Variants in SMAP2 observed in about 807,000 individuals in gnomAD.
SMAP2 encodes small ArfGAP2.
In SMAP2, 25 loss-of-function variants were observed where a neutral mutation model predicts 56.4. That is an observed-to-expected ratio of 0.44 (90% CI 0.32 to 0.62). The LOEUF (loss-of-function observed/expected upper bound fraction) is 0.62, where lower values mean the gene tolerates loss of function less well. Ranked by LOEUF, SMAP2 falls within the 20% of genes least tolerant of loss-of-function variation. The pLI, the probability that SMAP2 is intolerant of heterozygous loss-of-function variation, is 0.04. For synonymous variants in SMAP2, 157 were observed against 181.7 expected, an observed-to-expected ratio of 0.86 and a Z score of 1.09; for missense variants, 388 against 545.6, an observed-to-expected ratio of 0.71 and a Z score of 2.88.
chr1:40,391,105 C>T (rs1018212048), intron 1 of SMAP2, among the ~76,000 whole-genome samples: 1 of 152,166 alleles, frequency 6.6e-6, no homozygotes, highest in Non-Finnish European at 1.5e-5. Flanking sequence ...CTTCCCTACC[C>T]CTCTGCCCGT....
chr1:40,374,657 G>C lies in SMAP2; in HGVS notation c.103+434G>C, dbSNP rs1325009489. 2 of 1,548,814 alleles carry C rather than the reference G, an allele frequency of 1.3e-6. No homozygotes were observed. The highest frequency in any genetic ancestry group is 4.9e-5 in the East Asian group (2 of 40,912). On this transcript the variant is annotated intron_variant, in intron 1 of 9. Coordinates refer to ENST00000372718, the MANE Select transcript of SMAP2 (RefSeq NM_022733.3). The surrounding 1 kb of genome is among the most constrained non-coding windows in gnomAD (Gnocchi z 5.9). Reference sequence around the variant, plus strand: ...AGAGAGAGAGAATGACGAGGAGGAGGAGGAGGGAAGTGAGATGGCGGAAAG... The same window carrying C: ...AGAGAGAGAGAATGACGAGGAGGAGCAGGAGGGAAGTGAGATGGCGGAAAG...
At chr1:40,421,775 C>A (rs545339764) in intron 9 of SMAP2, among the ~76,000 whole-genome samples, 10 of 152,342 alleles carry the variant, frequency 6.6e-5, no homozygotes, top group African/African-American at 2.4e-4. Flanking sequence ...TCTCCGTCAG[C>A]ATTGCACTCC....
intron 1 of SMAP2, among the ~76,000 whole-genome samples, chr1:40,355,001 C>T (rs949094783): frequency 6.6e-6 from 1 of 151,644 alleles, no homozygotes; most frequent in Admixed American, 6.6e-5. Context: ...TCAGGCTGGT[C>T]TCAAACTCCT....
intron 1 of SMAP2, among the ~76,000 whole-genome samples, chr1:40,381,252 C>T (rs1265516782): frequency 2.0e-5 from 3 of 152,088 alleles, no homozygotes; most frequent in Non-Finnish European, 2.9e-5. Flanking sequence ...TGTACCGGGA[C>T]ATATAGATTA....
chr1:40,406,882 A>C lies in SMAP2; in HGVS notation c.237+13A>C. 6.2e-7 allele frequency: 1 copy of C among 1,604,562 alleles called. No individual in the cohort carries two copies. Among genetic ancestry groups the C allele is most frequent in the Non-Finnish European group, 8.5e-7 (1 of 1,173,458 alleles). On this transcript the variant is annotated intron_variant, in intron 2 of 9. Coordinates refer to ENST00000372718, the MANE Select transcript of SMAP2 (RefSeq NM_022733.3). ...AGAACAGATTCAGGTACTTAGCCCA[A>C]GAGTGAGTCAGCTGCTTCCATATAT...
At chr1:40,349,380 C>G (rs866906295) in intron 1 of SMAP2, among the ~76,000 whole-genome samples, 1 of 152,164 alleles carries the variant, frequency 6.6e-6, no homozygotes, top group Non-Finnish European at 1.5e-5. Flanking sequence ...TTTTTATCCT[C>G]ATGTTACAGA....
chr1:40,365,726 A>G (rs1485582362), intron 2 of SMAP2, among the ~76,000 whole-genome samples: 2 of 152,180 alleles, frequency 1.3e-5, no homozygotes, highest in Non-Finnish European at 2.9e-5. Flanking sequence ...ACAGACCAAA[A>G]GTAGATAAAA....
Position 40,374,923 on chromosome 1 carries a change from C to T in SMAP2, c.103+700C>T, listed in dbSNP as rs892176211. 1.0e-6 allele frequency: 1 copy of T among 985,182 alleles called. No homozygotes were observed. The highest frequency in any genetic ancestry group is 1.2e-6 in the Non-Finnish European group (1 of 829,910). 61.0% of individuals were successfully genotyped at this position (985,182 alleles called of 1,614,324 possible). On this transcript the variant is annotated intron_variant, in intron 1 of 9. Transcript: ENST00000372718. This position sits in a 1 kb window ranked among gnomAD's most constrained non-coding sequence, Gnocchi z 5.9. ...TGTATGAGTGGTGGCAGAAACTAGC[C>T]GATTATGCCTGTAGTGCAGGATCCG...
At chr1:40,371,653 C>T (rs1569830638), upstream of SMAP2, among the ~76,000 whole-genome samples, 1 of 152,282 alleles carries the variant, frequency 6.6e-6, no homozygotes, top group South Asian at 2.1e-4. Context: ...ACAAAGTAAT[C>T]CATCCTTTCT....
upstream of SMAP2, among the ~76,000 whole-genome samples, chr1:40,373,518 G>T (rs112158326): frequency 9.2e-5 from 14 of 152,276 alleles, 1 homozygote; most frequent in African/African-American, 3.4e-4. Context: ...TTTCTACCAG[G>T]CTCCATTCAT....
At chr1:40,352,810 G>A (rs1644414453) in intron 1 of SMAP2, among the ~76,000 whole-genome samples, 1 of 152,262 alleles carries the variant, frequency 6.6e-6, no homozygotes, top group South Asian at 2.1e-4. Flanking sequence ...TTACAGGTGT[G>A]AGCCACCACA....
chr1:40,376,398 C>A (rs527387789), intron 1 of SMAP2, among the ~76,000 whole-genome samples: 4 of 152,232 alleles, frequency 2.6e-5, no homozygotes, highest in African/African-American at 7.2e-5. Context: ...AATTTCTTTT[C>A]AGAAGTTCGT....
chr1:40,362,617 G>A (rs1452468982), intron 2 of SMAP2, among the ~76,000 whole-genome samples: 1 of 152,072 alleles, frequency 6.6e-6, no homozygotes, highest in African/African-American at 2.4e-5. Context: ...TTTTTCATGT[G>A]ATTTGTTTTT....
At chr1:40,362,639 A>G (rs1644464327) in intron 2 of SMAP2, among the ~76,000 whole-genome samples, 1 of 151,952 alleles carries the variant, frequency 6.6e-6, no homozygotes, top group African/African-American at 2.4e-5. Context: ...CTCTCTGGAA[A>G]CTTCAGATCT....
At chr1:40,382,679 A>G (rs1644610236) in intron 1 of SMAP2, among the ~76,000 whole-genome samples, 1 of 152,230 alleles carries the variant, frequency 6.6e-6, no homozygotes. Context: ...CACTTTTACC[A>G]AATTCCTCTA....
intron 1 of SMAP2, among the ~76,000 whole-genome samples, chr1:40,378,709 T>C (rs1428766485): frequency 2.0e-5 from 3 of 152,186 alleles, no homozygotes; most frequent in Non-Finnish European, 4.4e-5. Flanking sequence ...ACAGAAAGTG[T>C]AATAATTTTT....
chr1:40,372,603 T>C (rs1465008676), upstream of SMAP2, among the ~76,000 whole-genome samples: 1 of 152,208 alleles, frequency 6.6e-6, no homozygotes, highest in Non-Finnish European at 1.5e-5. Context: ...GAAAATTTAA[T>C]TGTTGTGATT....
chr1:40,402,686 C>CTAATGGGTACAAAT (rs1360483951), intron 1 of SMAP2, among the ~76,000 whole-genome samples: 18 of 152,004 alleles, frequency 1.2e-4, no homozygotes, highest in Non-Finnish European at 2.2e-4. Context: ...TTTTTGTACC[C>CTAATGGGTACAAAT]ATTAATCAAC....
chr1:40,417,227 G>GTTT, intron 9 of SMAP2, 131 bp downstream of exon 9: 1 of 499,658 alleles, frequency 2.0e-6, no homozygotes. Context: ...TGTTAGGTTT[G>GTTT]CTTTTTTTTT....
Sources: gnomAD v4.1 joint callset for allele counts (sites outside exome capture counted in the v4.1 genomes callset) on GRCh38, gnomAD v4.1.1 for gene constraint, Gnocchi (gnomAD v3.1) non-coding constraint, MANE v1.5 for transcripts, NCBI Gene and HGNC (gene_info 2026-07-23, HGNC 2026-07-21) for gene names.